UBE2D2: variants seen among roughly 807,000 people sequenced by gnomAD.
UBE2D2 encodes the protein ubiquitin conjugating enzyme E2 D2.
Under a neutral mutation model 24.2 loss-of-function variants are expected in UBE2D2, and 2 were observed. That is an observed-to-expected ratio of 0.08 (90% CI 0.03 to 0.26). The LOEUF (loss-of-function observed/expected upper bound fraction) is 0.26, where lower values mean the gene tolerates loss of function less well. Ranked by LOEUF, UBE2D2 falls within the 10% of genes least tolerant of loss-of-function variation. The pLI is 1.00. For synonymous variants in UBE2D2, 58 were observed against 56.5 expected (o/e 1.03, Z -0.12); for missense variants, 44 against 177.6 (o/e 0.25, Z 4.28).
chr5:139,546,820 TC>T (rs769597710), intron 1 of UBE2D2, among the ~76,000 whole-genome samples: 10 of 2,408 alleles, frequency 4.2e-3, no homozygotes, highest in Non-Finnish European at 8.7e-3. Context: ...CTTTCTTTCT[TC>T]CTTCCTTCCT....
At chr5:139,585,181 T>C (rs1231314345) in intron 1 of UBE2D2, among the ~76,000 whole-genome samples, 1 of 151,308 alleles carries the variant, frequency 6.6e-6, no homozygotes, top group Non-Finnish European at 1.5e-5. Context: ...ATTACAGGTG[T>C]GAGCCACGGT....
At chr5:139,535,361 C>T (rs1225583579) in intron 1 of UBE2D2, among the ~76,000 whole-genome samples, 1 of 149,850 alleles carries the variant, frequency 6.7e-6, no homozygotes, top group Non-Finnish European at 1.5e-5. Context: ...GAGGCTGAGG[C>T]AGGAGAATTG....
At chr5:139,534,400 A>G (rs963820161) in intron 1 of UBE2D2, among the ~76,000 whole-genome samples, 1 of 152,004 alleles carries the variant, frequency 6.6e-6, no homozygotes, top group African/African-American at 2.4e-5. Flanking sequence ...CCTCTTCTCT[A>G]CTAAAAATAC....
intron 1 of UBE2D2, among the ~76,000 whole-genome samples, chr5:139,592,324 C>T (rs1310421865): frequency 2.0e-5 from 3 of 152,146 alleles, no homozygotes; most frequent in African/African-American, 7.2e-5. Flanking sequence ...CTCAAATCTT[C>T]TTGGTAGTGA....
intron 1 of UBE2D2, among the ~76,000 whole-genome samples, chr5:139,598,176 A>G (rs1050549103): frequency 2.6e-5 from 4 of 152,174 alleles, no homozygotes; most frequent in Non-Finnish European, 4.4e-5. Flanking sequence ...GATTACAGGC[A>G]TGAGTCACTG....
At chr5:139,561,026 G>T (rs1025248211), upstream of UBE2D2, 1 of 152,736 alleles carries the variant, frequency 6.5e-6, no homozygotes, top group Non-Finnish European at 1.5e-5. Context: ...ACGGTCGTGA[G>T]ATCTGGACAA....
rs968182779 is a variant in UBE2D2, at chr5:139,628,186, G to A, written c.*1385G>A. ...CACACAATTTTAAATTGTACTGTAT[G>A]TGGCTTTTTGAAGTCTTCCCTTGAC... On this transcript the variant is annotated 3_prime_UTR_variant, in exon 7 of 7. Coordinates refer to ENST00000398733, the MANE Select transcript of UBE2D2 (RefSeq NM_003339.3). 3 of 152,658 alleles carry A rather than the reference G, an allele frequency of 2.0e-5. No homozygotes were observed. The highest frequency in any genetic ancestry group is 1.9e-4 in the East Asian group (1 of 5,198). 9.5% of individuals were successfully genotyped at this position (152,658 alleles called of 1,614,324 possible).
At chr5:139,528,089 C>T (rs1365460481) in intron 1 of UBE2D2, among the ~76,000 whole-genome samples, 1 of 152,252 alleles carries the variant, frequency 6.6e-6, no homozygotes, top group Non-Finnish European at 1.5e-5. Flanking sequence ...CTTCTGTCTC[C>T]CAACACTAAG....
Position 139,611,420 on chromosome 5 carries a change from T to C in UBE2D2, c.89-3166T>C, listed in dbSNP as rs539143068. Among the ~76,000 whole-genome samples, 740 of 152,180 alleles carry C rather than the reference T, an allele frequency of 4.9e-3. 6 individuals are homozygous for C. Among genetic ancestry groups the C allele is most frequent in the African/African-American group, 0.017 (710 of 41,518 alleles). On this transcript the variant is annotated intron_variant, in intron 2 of 6. Transcript: ENST00000398733. ...TCAGGCTGATCTCGAACTCCTGACC[T>C]CAGGTGAGCCACCTGCCTCGGCCTC...
At chr5:139,578,433 T>TG (rs1753526979) in intron 1 of UBE2D2, among the ~76,000 whole-genome samples, 1 of 138,104 alleles carries the variant, frequency 7.2e-6, no homozygotes, top group South Asian at 2.3e-4. Flanking sequence ...TGTTTTGTGT[T>TG]TTGTGTGTGT....
intron 2 of UBE2D2, among the ~76,000 whole-genome samples, chr5:139,608,019 A>G (rs1393909818): frequency 2.0e-5 from 3 of 150,068 alleles, no homozygotes; most frequent in Admixed American, 2.0e-4. Flanking sequence ...TCTCTTGGGA[A>G]AAAAAAAAAA....
chr5:139,539,148 C>T (rs1752724634), intron 1 of UBE2D2, among the ~76,000 whole-genome samples: 2 of 151,898 alleles, frequency 1.3e-5, no homozygotes, highest in South Asian at 2.1e-4. Context: ...CCTCAGCCTC[C>T]TGAGTAGCTG....
At chr5:139,603,811 G>GT (rs1754133885) in intron 2 of UBE2D2, among the ~76,000 whole-genome samples, 1 of 151,612 alleles carries the variant, frequency 6.6e-6, no homozygotes, top group South Asian at 2.1e-4. Flanking sequence ...TTAGCCAGGT[G>GT]TGGTGGTGGG....
chr5:139,601,585 G>C (rs1351224994), intron 2 of UBE2D2, among the ~76,000 whole-genome samples: 4 of 152,172 alleles, frequency 2.6e-5, no homozygotes, highest in Admixed American at 6.6e-5. Context: ...CTGCACTCCA[G>C]CTTGGGCGAC....
At chr5:139,548,163 CAAAAAAAAAAAAA>C (rs749269739) in intron 1 of UBE2D2, among the ~76,000 whole-genome samples, 1 of 32,966 alleles carries the variant, frequency 3.0e-5, no homozygotes, top group Non-Finnish European at 7.2e-5. Flanking sequence ...GACTCCGTCT[CAAAAAAAAAAAAA>C]AAAAAAATAA....
chr5:139,600,350 C>G, intron 1 of UBE2D2, 22 bp from the exon 2 acceptor site: 1 of 1,611,798 alleles, frequency 6.2e-7, no homozygotes, highest in Non-Finnish European at 8.5e-7. Flanking sequence ...GAATATATTT[C>G]TTTTCTTTCT....
intron 1 of UBE2D2, among the ~76,000 whole-genome samples, chr5:139,538,932 A>G (rs1040440784): frequency 1.3e-5 from 2 of 152,136 alleles, no homozygotes; most frequent in Non-Finnish European, 2.9e-5. Context: ...GTTTAAGTAC[A>G]TTGCAGAATG....
intron 2 of UBE2D2, among the ~76,000 whole-genome samples, chr5:139,603,895 G>A (rs1029039694): frequency 3.3e-5 from 5 of 151,998 alleles, no homozygotes; most frequent in South Asian, 2.1e-4. Context: ...GCTGCAGTGA[G>A]CCGAGATCAC....
intron 1 of UBE2D2, among the ~76,000 whole-genome samples, chr5:139,527,031 A>G (rs1041874312): frequency 1.3e-5 from 2 of 152,176 alleles, no homozygotes; most frequent in Non-Finnish European, 2.9e-5. Context: ...GGTCAGGCGC[A>G]AAGTAAGCCC....
Sources: allele counts gnomAD v4.1 joint callset (sites outside exome capture counted in the v4.1 genomes callset), GRCh38; gene constraint gnomAD v4.1.1; transcripts MANE v1.5; gene names NCBI Gene and HGNC (gene_info 2026-07-23, HGNC 2026-07-21).